Variants in XRCC4 observed in about 807,000 individuals in gnomAD.
The protein encoded by XRCC4 is DNA repair protein XRCC4.
Under a neutral mutation model 39.1 loss-of-function variants are expected in XRCC4, and 28 were observed. The ratio of observed to expected loss-of-function variants is 0.72; its 90% CI spans 0.53 to 0.98. The LOEUF is 0.98. Ranked by LOEUF, XRCC4 falls within the 50% of genes least tolerant of loss-of-function variation. The pLI is 0.00. For synonymous variants in XRCC4, 123 were observed against 126.4 expected (o/e 0.97, Z 0.18); for missense variants, 350 against 376.4 (o/e 0.93, Z 0.58).
intron 1 of XRCC4, among the ~76,000 whole-genome samples, chr5:83,097,432 G>A (rs892018367): frequency 3.3e-5 from 5 of 151,510 alleles, no homozygotes; most frequent in African/African-American, 1.2e-4. Flanking sequence ...GCAGATAAAT[G>A]GGTGCGGTTT....
intron 3 of XRCC4, among the ~76,000 whole-genome samples, chr5:83,123,683 A>G (rs565464353): frequency 4.4e-4 from 67 of 151,942 alleles, no homozygotes; most frequent in Admixed American, 1.3e-3. Context: ...CTTGTTATCT[A>G]TAACTCATCT....
At chr5:83,097,027 T>C (rs1353127698) in intron 1 of XRCC4, among the ~76,000 whole-genome samples, 1 of 152,180 alleles carries the variant, frequency 6.6e-6, no homozygotes, top group Admixed American at 6.5e-5. Flanking sequence ...TTTTAGTCCA[T>C]TTTGAGAATG....
chr5:83,232,564 ATT>A (rs1471312011), intron 6 of XRCC4, among the ~76,000 whole-genome samples: 1 of 152,054 alleles, frequency 6.6e-6, no homozygotes, highest in African/African-American at 2.4e-5. Flanking sequence ...GCATTAGAGC[ATT>A]GAGACTTTCA....
At chr5:83,236,474 A>G (rs1752695002) in intron 6 of XRCC4, among the ~76,000 whole-genome samples, 1 of 152,090 alleles carries the variant, frequency 6.6e-6, no homozygotes, top group African/African-American at 2.4e-5. Context: ...GGGGAAAAGA[A>G]CAGTCTCTTT....
chr5:83,219,111 C>A (rs530799061), intron 6 of XRCC4, among the ~76,000 whole-genome samples: 1 of 152,188 alleles, frequency 6.6e-6, no homozygotes, highest in African/African-American at 2.4e-5. Flanking sequence ...CTCCCTGTTA[C>A]ATCAAATTTT....
intron 3 of XRCC4, among the ~76,000 whole-genome samples, chr5:83,143,169 A>T (rs1748265930): frequency 6.6e-6 from 1 of 152,190 alleles, no homozygotes; most frequent in Non-Finnish European, 1.5e-5. Context: ...TAAATGACTT[A>T]CGAAAGTCCT....
intron 7 of XRCC4, among the ~76,000 whole-genome samples, chr5:83,302,073 C>T (rs572782312): frequency 5.3e-5 from 8 of 152,256 alleles, no homozygotes; most frequent in African/African-American, 7.2e-5. Context: ...TAAGCTCGAG[C>T]GTCCCAGATG....
At chr5:83,160,789 A>T (rs956111753) in intron 3 of XRCC4, among the ~76,000 whole-genome samples, 4 of 152,072 alleles carry the variant, frequency 2.6e-5, no homozygotes, top group Non-Finnish European at 5.9e-5. Context: ...GCCGCAAGAG[A>T]TAGTGCAGAC....
intron 7 of XRCC4, among the ~76,000 whole-genome samples, chr5:83,289,780 C>T (rs1407789957): frequency 6.6e-6 from 1 of 151,656 alleles, no homozygotes; most frequent in Non-Finnish European, 1.5e-5. Context: ...TATACATATC[C>T]CACGTGGGAT....
chr5:83,082,411 A>G (rs1313776759), intron 1 of XRCC4, among the ~76,000 whole-genome samples: 1 of 152,306 alleles, frequency 6.6e-6, no homozygotes, highest in African/African-American at 2.4e-5. Context: ...GTTTTGATAA[A>G]TGCACCGTGG....
At chr5:83,278,596 A>T (rs1228287516) in intron 7 of XRCC4, among the ~76,000 whole-genome samples, 1 of 152,192 alleles carries the variant, frequency 6.6e-6, no homozygotes, top group African/African-American at 2.4e-5. Flanking sequence ...AAAGCGCCTA[A>T]ACTAGTTTTC....
intron 1 of XRCC4, among the ~76,000 whole-genome samples, chr5:83,092,754 A>T (rs1745485935): frequency 1.3e-5 from 2 of 152,192 alleles, no homozygotes; most frequent in South Asian, 4.1e-4. Context: ...GTAGCCAAAA[A>T]GCAAAAATCT....
intron 4 of XRCC4, among the ~76,000 whole-genome samples, chr5:83,200,773 A>G (rs1298708325): frequency 6.6e-6 from 1 of 152,142 alleles, no homozygotes; most frequent in Non-Finnish European, 1.5e-5. Flanking sequence ...TACTTTGCAT[A>G]TGTTTGAAGT....
At chr5:83,256,705 T>TA (rs1233006954) in intron 6 of XRCC4, among the ~76,000 whole-genome samples, 2 of 151,850 alleles carry the variant, frequency 1.3e-5, no homozygotes, top group African/African-American at 2.4e-5. Context: ...TAGAGGCTAA[T>TA]AAAAAAAGTC....
chr5:83,161,530 G>A (rs1421057797), intron 3 of XRCC4, among the ~76,000 whole-genome samples: 2 of 152,128 alleles, frequency 1.3e-5, no homozygotes, highest in African/African-American at 2.4e-5. Context: ...ATACCTGATT[G>A]TTGAAGTCTA....
chr5:83,136,964 A>G (rs1385747459), intron 3 of XRCC4, among the ~76,000 whole-genome samples: 1 of 152,210 alleles, frequency 6.6e-6, no homozygotes, highest in East Asian at 1.9e-4. Context: ...AAACACACAC[A>G]AAAGAGGTAA....
chr5:83,144,627 A>G (rs201119261), intron 3 of XRCC4, among the ~76,000 whole-genome samples: 2 of 126,758 alleles, frequency 1.6e-5, no homozygotes, highest in East Asian at 4.7e-4. Context: ...TCAAATTGGG[A>G]AATTCTTGGC....
At chr5:83,147,569 TGAA>T (rs1748515385) in intron 3 of XRCC4, among the ~76,000 whole-genome samples, 1 of 151,984 alleles carries the variant, frequency 6.6e-6, no homozygotes, top group African/African-American at 2.4e-5. Context: ...AGAAGGTGCT[TGAA>T]GAAATTTTGG....
intron 7 of XRCC4, chr5:83,259,163 T>G (rs987148407): frequency 6.4e-6 from 1 of 155,892 alleles, no homozygotes; most frequent in African/African-American, 2.4e-5. Flanking sequence ...CTGATTACCC[T>G]GCATCAGTCT....
Sources: gnomAD v4.1 joint callset for allele counts (sites outside exome capture counted in the v4.1 genomes callset) on GRCh38, gnomAD v4.1.1 for gene constraint, MANE v1.5 for transcripts, NCBI Gene and HGNC (gene_info 2026-07-23, HGNC 2026-07-21) for gene names.